The following PRKCE variants were observed in gnomAD, a reference collection of about 807,000 sequenced individuals.
PRKCE encodes the protein protein kinase C epsilon type.
A neutral mutation model predicts 85.4 loss-of-function variants in PRKCE; 16 were observed. The ratio of observed to expected loss-of-function variants is 0.19; its 90% confidence interval spans 0.13 to 0.28. The LOEUF is 0.28. Ranked by LOEUF, PRKCE falls within the 10% of genes least tolerant of loss-of-function variation. PRKCE has a pLI of 1.00. For synonymous variants in PRKCE, 388 were observed against 371.5 expected (o/e 1.04, Z -0.51); for missense variants, 573 against 975.2 (o/e 0.59, Z 5.49).
intron 1 of PRKCE, among the ~76,000 whole-genome samples, chr2:45,761,346 A>AC: frequency 6.8e-6 from 1 of 146,756 alleles, no homozygotes; most frequent in East Asian, 2.0e-4. Flanking sequence ...AAAAAAAAAA[A>AC]AAAATCTAAG....
In PRKCE at chr2:45,981,582, G is replaced by C. The variant is rs1021119822; in HGVS notation, c.693+1201G>C. On this transcript the variant is annotated intron_variant, in intron 5 of 14. Coordinates refer to ENST00000306156, the MANE Select transcript of PRKCE (RefSeq NM_005400.3). ...CCCAGAGCACCAACATTGTTTGCAG[G>C]GGCTCTCTTGTGGTTAAGACTGCAA... Among the ~76,000 whole-genome samples, 4 of 152,294 alleles carry C rather than the reference G, an allele frequency of 2.6e-5. No homozygotes were observed. The East Asian group carries it at 7.7e-4, about 29-fold the overall frequency.
At chr2:46,048,609 C>A (rs67704642) in intron 10 of PRKCE, among the ~76,000 whole-genome samples, 65,750 of 151,938 alleles carry the variant, frequency 0.43, 14,518 homozygotes, top group Middle Eastern at 0.49. Flanking sequence ...CCTTTGTCCA[C>A]GCACTTGGCC....
intron 14 of PRKCE, among the ~76,000 whole-genome samples, chr2:46,169,689 C>T (rs1191473726): frequency 6.6e-6 from 1 of 152,162 alleles, no homozygotes; most frequent in Non-Finnish European, 1.5e-5. Context: ...CGCACTCCGT[C>T]CCCCCTAGCG....
At chr2:46,045,027 A>T (rs1708434831) in intron 10 of PRKCE, among the ~76,000 whole-genome samples, 1 of 152,204 alleles carries the variant, frequency 6.6e-6, no homozygotes, top group Admixed American at 6.5e-5. Flanking sequence ...TATATTCTAC[A>T]GGTGAGTTAA....
intron 2 of PRKCE, among the ~76,000 whole-genome samples, chr2:45,874,220 G>T (rs1694304900): frequency 6.6e-6 from 1 of 152,216 alleles, no homozygotes; most frequent in South Asian, 2.1e-4. Context: ...CTATGTGGGA[G>T]TCCCTTTTCT....
intron 2 of PRKCE, among the ~76,000 whole-genome samples, chr2:45,903,418 A>G (rs1279877236): frequency 6.6e-6 from 1 of 152,212 alleles, no homozygotes; most frequent in Non-Finnish European, 1.5e-5. Flanking sequence ...TGGCGTCACC[A>G]TCCCCATGGG....
intron 1 of PRKCE, among the ~76,000 whole-genome samples, chr2:45,810,753 T>C (rs906551240): frequency 1.3e-5 from 2 of 152,180 alleles, no homozygotes; most frequent in Non-Finnish European, 2.9e-5. Flanking sequence ...TTAGCTAATA[T>C]TTTTTATTAT....
chr2:46,032,393 C>T (rs1445644186), intron 10 of PRKCE, among the ~76,000 whole-genome samples: 1 of 152,180 alleles, frequency 6.6e-6, no homozygotes, highest in Non-Finnish European at 1.5e-5. Flanking sequence ...CCCTGGCACC[C>T]AGCTTCCGCC....
intron 6 of PRKCE, among the ~76,000 whole-genome samples, chr2:45,990,504 C>T (rs569999856): frequency 6.6e-6 from 1 of 152,336 alleles, no homozygotes; most frequent in African/African-American, 2.4e-5. Context: ...TCCCCATCCA[C>T]ATCCCCTTCG....
At chr2:46,095,279 G>A (rs1421347306) in intron 11 of PRKCE, among the ~76,000 whole-genome samples, 1 of 152,144 alleles carries the variant, frequency 6.6e-6, no homozygotes, top group African/African-American at 2.4e-5. Context: ...AAAGGGAGAC[G>A]GCCTGGTGGC....
intron 3 of PRKCE, 97 bp downstream of exon 3, chr2:45,976,685 TG>T: frequency 7.2e-7 from 1 of 1,394,338 alleles, no homozygotes; most frequent in Non-Finnish European, 9.8e-7. Context: ...TAAAGAATGC[TG>T]GTGTGCCTCG....
intron 2 of PRKCE, among the ~76,000 whole-genome samples, chr2:45,886,618 G>A (rs932789907): frequency 6.6e-6 from 1 of 152,220 alleles, no homozygotes; most frequent in African/African-American, 2.4e-5. Context: ...CGTGATAACA[G>A]TAACCCTGCA....
intron 1 of PRKCE, among the ~76,000 whole-genome samples, chr2:45,672,013 T>G (rs1019303764): frequency 1.1e-4 from 16 of 140,570 alleles, no homozygotes; most frequent in African/African-American, 3.8e-4. Context: ...CAATGAGCCA[T>G]GATTATGCCA....
intron 11 of PRKCE, among the ~76,000 whole-genome samples, chr2:46,119,089 C>G (rs1044396705): frequency 7.2e-5 from 11 of 152,152 alleles, no homozygotes; most frequent in Admixed American, 2.6e-4. Context: ...ATAAAATTAG[C>G]AGAGCTAAGT....
At chr2:46,116,992 G>A (rs1196945097) in intron 11 of PRKCE, among the ~76,000 whole-genome samples, 1 of 152,220 alleles carries the variant, frequency 6.6e-6, no homozygotes, top group Non-Finnish European at 1.5e-5. Flanking sequence ...AAATTTCACA[G>A]AAGAAGGAAC....
intron 1 of PRKCE, among the ~76,000 whole-genome samples, chr2:45,720,585 A>T (rs1680532334): frequency 6.6e-6 from 1 of 152,098 alleles, no homozygotes; most frequent in Admixed American, 6.5e-5. Context: ...CTTTGCCCAC[A>T]TTCACTTCCA....
intron 4 of PRKCE, 133 bp downstream of exon 4, chr2:45,979,143 A>G: frequency 1.2e-6 from 1 of 865,596 alleles, no homozygotes; most frequent in Non-Finnish European, 1.8e-6. Context: ...CTTTGTTCCC[A>G]CTTGACCATT....
At chr2:45,995,639 G>C (rs1369291089) in intron 6 of PRKCE, among the ~76,000 whole-genome samples, 1 of 152,186 alleles carries the variant, frequency 6.6e-6, no homozygotes, top group Non-Finnish European at 1.5e-5. Flanking sequence ...CTTTGTCAAA[G>C]ATCAGTTGGC....
At chr2:45,737,658 A>C (rs1682194117) in intron 1 of PRKCE, among the ~76,000 whole-genome samples, 1 of 151,906 alleles carries the variant, frequency 6.6e-6, no homozygotes, top group Non-Finnish European at 1.5e-5. Flanking sequence ...GCCTTAAGAC[A>C]CAGAATGTCA....
Sources: gnomAD v4.1 joint callset for allele counts (sites outside exome capture counted in the v4.1 genomes callset) on GRCh38, gnomAD v4.1.1 for gene constraint, MANE v1.5 for transcripts, NCBI Gene and HGNC (gene_info 2026-07-23, HGNC 2026-07-21) for gene names.